ZNF407: variants seen among roughly 807,000 people sequenced by gnomAD.
The protein encoded by ZNF407 is zinc finger protein 407.
In ZNF407, 17 loss-of-function variants were observed where a neutral mutation model predicts 131.2. That is an observed-to-expected ratio of 0.13 (90% CI 0.09 to 0.19). The LOEUF is 0.19. ZNF407 is among the 10% of genes least tolerant of loss of function. The probability of loss-of-function intolerance (pLI) is 1.00; values close to 1 mark genes in which losing one functional copy is unlikely to be tolerated. For synonymous variants in ZNF407, 1,156 were observed against 1,062.0 expected (o/e 1.09, Z -1.72); for missense variants, 2,681 against 2,830.6 (o/e 0.95, Z 1.20).
chr18:74,652,822 A>T (rs1190426014), intron 3 of ZNF407, among the ~76,000 whole-genome samples: 1 of 152,012 alleles, frequency 6.6e-6, no homozygotes, highest in African/African-American at 2.4e-5. Context: ...TCTCAGTTTC[A>T]GTCACCTCTC....
chr18:74,967,391 G>T (rs1401734095), intron 8 of ZNF407, among the ~76,000 whole-genome samples: 1 of 152,098 alleles, frequency 6.6e-6, no homozygotes, highest in Non-Finnish European at 1.5e-5. Flanking sequence ...GGCCATATTA[G>T]TGTCAATATT....
chr18:75,038,861 G>A (rs532416220), intron 8 of ZNF407, among the ~76,000 whole-genome samples: 64 of 152,330 alleles, frequency 4.2e-4, no homozygotes, highest in African/African-American at 1.5e-3. Context: ...TTACTGTCAA[G>A]AAAACTCTGA....
At chr18:75,023,768 CCCCACATT>C (rs1476210049) in intron 8 of ZNF407, among the ~76,000 whole-genome samples, 3 of 152,184 alleles carry the variant, frequency 2.0e-5, no homozygotes, top group Non-Finnish European at 2.9e-5. Flanking sequence ...TTTAGTCATT[CCCCACATT>C]CAATAGAACC....
At chr18:74,642,420 C>A (rs1212732108) in intron 3 of ZNF407, among the ~76,000 whole-genome samples, 1 of 151,998 alleles carries the variant, frequency 6.6e-6, no homozygotes, top group Non-Finnish European at 1.5e-5. Flanking sequence ...AGGAGAAGGC[C>A]CTGACTCCAG....
In ZNF407 at chr18:75,064,320, T is replaced by TA. The variant is rs1555714721; in HGVS notation, c.6599_6600insA (p.Gln2201AlafsTer74). 23 of 1,599,234 alleles carry TA rather than the reference T, an allele frequency of 1.4e-5. No homozygotes were observed. The highest frequency in any genetic ancestry group is 2.0e-5 in the Non-Finnish European group (23 of 1,173,834). ...GAGACTGCGGACTCGCAGGAACTCC[T>TA]GCAGGCCGGGGCCACGCTAGGCACA... On this transcript the variant is annotated frameshift_variant, in exon 9 of 9. Coordinates refer to ENST00000299687, the MANE Select transcript of ZNF407 (RefSeq NM_017757.3). LOFTEE classifies it low-confidence loss of function (END_TRUNC).
At chr18:74,970,567 A>G (rs1288057307) in intron 8 of ZNF407, among the ~76,000 whole-genome samples, 6 of 152,222 alleles carry the variant, frequency 3.9e-5, no homozygotes, top group Admixed American at 2.0e-4. Flanking sequence ...TAAAGGTCCA[A>G]AATGATCTCC....
intron 3 of ZNF407, among the ~76,000 whole-genome samples, chr18:74,767,427 G>A (rs1371023613): frequency 6.6e-6 from 1 of 151,958 alleles, no homozygotes; most frequent in African/African-American, 2.4e-5. Context: ...ATTATATTCT[G>A]TTCTATATAC....
intron 4 of ZNF407, among the ~76,000 whole-genome samples, chr18:74,796,983 C>T (rs1444895064): frequency 6.6e-6 from 1 of 152,200 alleles, no homozygotes; most frequent in Non-Finnish European, 1.5e-5. Flanking sequence ...TGATTGATAA[C>T]TGCACCAGTT....
intron 3 of ZNF407, among the ~76,000 whole-genome samples, chr18:74,716,922 C>T (rs755317247): frequency 5.3e-5 from 8 of 152,172 alleles, no homozygotes; most frequent in Non-Finnish European, 8.8e-5. Flanking sequence ...GCCTTATACA[C>T]GTTCCAACTC....
chr18:74,758,700 C>T (rs1377357201), intron 3 of ZNF407, among the ~76,000 whole-genome samples: 1 of 152,108 alleles, frequency 6.6e-6, no homozygotes, highest in African/African-American at 2.4e-5. Context: ...AAGCGATTCT[C>T]CTGCCTCAGC....
At chr18:74,644,063 C>T (rs1200960649) in intron 3 of ZNF407, among the ~76,000 whole-genome samples, 2 of 151,728 alleles carry the variant, frequency 1.3e-5, no homozygotes, top group South Asian at 2.1e-4. Context: ...TTTACCTGCT[C>T]ATGTCATGGT....
chr18:74,849,188 C>T (rs1462860399), intron 4 of ZNF407, among the ~76,000 whole-genome samples: 3 of 151,708 alleles, frequency 2.0e-5, no homozygotes, highest in Non-Finnish European at 4.4e-5. Flanking sequence ...AAGCAATTCT[C>T]CTGCCTCAGC....
At chr18:74,603,382 T>C (rs188850455) in intron 1 of ZNF407, among the ~76,000 whole-genome samples, 1 of 152,364 alleles carries the variant, frequency 6.6e-6, no homozygotes, top group East Asian at 1.9e-4. Flanking sequence ...CAGTGATGCC[T>C]CAGACTCTAG....
intron 4 of ZNF407, among the ~76,000 whole-genome samples, chr18:74,836,294 G>A (rs202119640): frequency 3.9e-5 from 6 of 152,018 alleles, no homozygotes; most frequent in Non-Finnish European, 7.4e-5. Context: ...CCTTTCCTCC[G>A]TGGAGCACTT....
chr18:74,639,828 C>G (rs1984626196), intron 2 of ZNF407, among the ~76,000 whole-genome samples: 1 of 149,846 alleles, frequency 6.7e-6, no homozygotes, highest in African/African-American at 2.4e-5. Flanking sequence ...ATTTAAGACT[C>G]TAAAATTTTT....
chr18:74,875,482 T>G (rs977770072), intron 4 of ZNF407, among the ~76,000 whole-genome samples: 3 of 152,214 alleles, frequency 2.0e-5, no homozygotes, highest in African/African-American at 7.2e-5. Context: ...AACTATTTGT[T>G]AAAAGATAGT....
At chr18:74,627,766 A>G (rs1255744565) in intron 1 of ZNF407, among the ~76,000 whole-genome samples, 1 of 149,338 alleles carries the variant, frequency 6.7e-6, no homozygotes, top group Non-Finnish European at 1.5e-5. Context: ...TTGTTTGTTC[A>G]GTTTTCTCTC....
chr18:75,033,969 A>G (rs1263924686), intron 8 of ZNF407, among the ~76,000 whole-genome samples: 1 of 152,172 alleles, frequency 6.6e-6, no homozygotes, highest in Non-Finnish European at 1.5e-5. Context: ...CTTCATATTT[A>G]TCTAATGTGA....
At chr18:74,677,983 G>C (rs957566582) in intron 3 of ZNF407, among the ~76,000 whole-genome samples, 3 of 152,014 alleles carry the variant, frequency 2.0e-5, no homozygotes, top group African/African-American at 7.2e-5. Context: ...ACCATGCCTG[G>C]CTAATTTTTG....
Sources: allele counts gnomAD v4.1 joint callset (sites outside exome capture counted in the v4.1 genomes callset), GRCh38; gene constraint gnomAD v4.1.1; transcripts MANE v1.5; gene names NCBI Gene and HGNC (gene_info 2026-07-23, HGNC 2026-07-21).